GSE1: variants seen among roughly 807,000 people sequenced by gnomAD.
GSE1 encodes Gse1 coiled-coil protein, also known as genetic suppressor element 1.
In GSE1, 32 loss-of-function variants were observed where a neutral mutation model predicts 112.6. The observed-to-expected ratio is 0.28, with a 90% CI of 0.21 to 0.38. GSE1 has a LOEUF of 0.38. GSE1 is among the 10% of genes least tolerant of loss of function. GSE1 has a pLI of 1.00. For synonymous variants in GSE1, 1,115 were observed against 735.6 expected, an observed-to-expected ratio of 1.52 and a Z score of -8.35; for missense variants, 2,348 against 1,699.2, an observed-to-expected ratio of 1.38 and a Z score of -6.71.
chr16:85,295,797 G>T (rs1379631440), intron 1 of GSE1, among the ~76,000 whole-genome samples: 6 of 148,666 alleles, frequency 4.0e-5, no homozygotes, highest in African/African-American at 1.0e-4. Context: ...TAGAGATGGG[G>T]TCTCTCTGTG....
intron 1 of GSE1, among the ~76,000 whole-genome samples, chr16:85,604,613 G>C (rs768789538): frequency 6.8e-5 from 10 of 147,986 alleles, no homozygotes; most frequent in Non-Finnish European, 1.3e-4. Flanking sequence ...TGGTCACATG[G>C]GCTGATTTGA....
At chr16:85,576,059 G>A (rs999269961) in intron 1 of GSE1, among the ~76,000 whole-genome samples, 2 of 152,110 alleles carry the variant, frequency 1.3e-5, no homozygotes, top group African/African-American at 4.8e-5. Context: ...CACATTCTGT[G>A]CCAGGCCAGA....
intron 1 of GSE1, among the ~76,000 whole-genome samples, chr16:85,564,822 C>T (rs993577757): frequency 6.6e-6 from 1 of 152,220 alleles, no homozygotes; most frequent in Non-Finnish European, 1.5e-5. Context: ...TCCTCCCAGG[C>T]TCTGCAGGCC....
intron 2 of GSE1, among the ~76,000 whole-genome samples, chr16:85,392,137 C>G (rs923145442): frequency 9.9e-5 from 15 of 152,140 alleles, no homozygotes; most frequent in African/African-American, 3.6e-4. Context: ...GCCCTTGATC[C>G]TTGTCCTGGG....
At chr16:85,256,180 C>T (rs539680921) in intron 1 of GSE1, among the ~76,000 whole-genome samples, 1 of 152,220 alleles carries the variant, frequency 6.6e-6, no homozygotes, top group East Asian at 1.9e-4. Context: ...GAGGCTCTTC[C>T]CTCGGCAGGC....
At chr16:85,546,719 G>C (rs2044714586) in intron 2 of GSE1, among the ~76,000 whole-genome samples, 1 of 152,216 alleles carries the variant, frequency 6.6e-6, no homozygotes, top group Non-Finnish European at 1.5e-5. Flanking sequence ...ACATTCTCTT[G>C]GCCAGAACTT....
At chr16:85,639,518 G>A (rs1415613876) in intron 2 of GSE1, among the ~76,000 whole-genome samples, 2 of 152,248 alleles carry the variant, frequency 1.3e-5, no homozygotes, top group South Asian at 2.1e-4. Context: ...CCTGCCTTGC[G>A]GGTGTGTCGG....
intron 2 of GSE1, among the ~76,000 whole-genome samples, chr16:85,516,484 G>T (rs2051943243): frequency 2.2e-5 from 3 of 135,788 alleles, no homozygotes; most frequent in African/African-American, 5.7e-5. Flanking sequence ...AAAAAAATTA[G>T]CCAGGCTTGG....
At chr16:85,305,925 A>G (rs1251677659) in intron 1 of GSE1, among the ~76,000 whole-genome samples, 1 of 152,034 alleles carries the variant, frequency 6.6e-6, no homozygotes, top group African/African-American at 2.4e-5. Flanking sequence ...CACCGTCTCT[A>G]CTAAAAATAC....
chr16:85,294,170 C>T (rs1298948286), intron 1 of GSE1, among the ~76,000 whole-genome samples: 3 of 152,172 alleles, frequency 2.0e-5, no homozygotes, highest in Non-Finnish European at 4.4e-5. Flanking sequence ...ATGAGATCCC[C>T]GGGGTCCCTT....
intron 1 of GSE1, among the ~76,000 whole-genome samples, chr16:85,586,094 C>T (rs938884043): frequency 6.6e-6 from 1 of 152,176 alleles, no homozygotes; most frequent in Non-Finnish European, 1.5e-5. Flanking sequence ...GCCGTCCGTT[C>T]CCTGTGTCTC....
upstream of GSE1, chr16:85,611,439 C>T (rs1298759463): frequency 7.1e-6 from 7 of 984,378 alleles, no homozygotes; most frequent in Non-Finnish European, 8.4e-6. Context: ...TAGCGTCCGG[C>T]CAAGGCCGCA....
chr16:85,568,825 A>G (rs931617772), intron 1 of GSE1, among the ~76,000 whole-genome samples: 2 of 152,138 alleles, frequency 1.3e-5, no homozygotes, highest in African/African-American at 2.4e-5. Flanking sequence ...CCCCTGGATC[A>G]CCCTGGGTTC....
chr16:85,513,190 C>A lies in GSE1; in HGVS notation c.2465-120724C>A, dbSNP rs569680775. ...CCTGCTGCCTCTGTGTCCTGCCTCT[C>A]CCTCTCCCGGCTCAGAGATGGCAGC... On this transcript the variant is annotated intron_variant, in intron 2 of 2. Coordinates refer to the GSE1 transcript ENST00000637419. Among the ~76,000 whole-genome samples the A allele has an allele frequency of 2.0e-5, 3 of 152,258 alleles. No homozygotes were observed. In the East Asian group the frequency reaches 5.8e-4, roughly 29 times the overall value.
intron 2 of GSE1, among the ~76,000 whole-genome samples, chr16:85,390,329 G>A (rs989348168): frequency 1.3e-5 from 2 of 152,008 alleles, no homozygotes; most frequent in Non-Finnish European, 1.5e-5. Flanking sequence ...AGCAACAGAC[G>A]GGGACGGGGC....
intron 2 of GSE1, among the ~76,000 whole-genome samples, chr16:85,362,055 C>T (rs181388349): frequency 3.3e-5 from 5 of 152,246 alleles, no homozygotes; most frequent in African/African-American, 7.2e-5. Flanking sequence ...TGCTGGCTGC[C>T]GGGAGTACAG....
intron 1 of GSE1, among the ~76,000 whole-genome samples, chr16:85,294,663 C>CTCTCTG: frequency 8.4e-6 from 1 of 119,380 alleles, no homozygotes; most frequent in Non-Finnish European, 1.8e-5. Context: ...CTCTCTGTCT[C>CTCTCTG]TCTCTCTCCC....
intron 1 of GSE1, among the ~76,000 whole-genome samples, chr16:85,231,015 G>T (rs1253390788): frequency 6.6e-6 from 1 of 151,674 alleles, no homozygotes; most frequent in Non-Finnish European, 1.5e-5. Context: ...ATGGACAGAT[G>T]GATGATGGAT....
intron 1 of GSE1, among the ~76,000 whole-genome samples, chr16:85,253,082 C>CCCA (rs1906686834): frequency 8.1e-6 from 1 of 122,900 alleles, no homozygotes; most frequent in African/African-American, 3.1e-5. Flanking sequence ...CCCCCCCCCC[C>CCCA]ACCAGCAGGC....
Sources: gnomAD v4.1 joint callset for allele counts (sites outside exome capture counted in the v4.1 genomes callset) on GRCh38, gnomAD v4.1.1 for gene constraint, MANE v1.5 for transcripts, NCBI Gene and HGNC (gene_info 2026-07-23, HGNC 2026-07-21) for gene names.